The following TMEM163 variants were observed in gnomAD, a reference collection of about 807,000 sequenced individuals.
TMEM163 encodes transmembrane protein 163.
Under a neutral mutation model 29.3 loss-of-function variants are expected in TMEM163, and 17 were observed. The observed-to-expected ratio is 0.58, with a 90% confidence interval of 0.40 to 0.87. TMEM163 has a LOEUF of 0.87. Ranked by LOEUF, TMEM163 falls within the 40% of genes least tolerant of loss-of-function variation. TMEM163 has a pLI of 0.00. For synonymous variants in TMEM163, 157 were observed against 160.6 expected (o/e 0.98, Z 0.17); for missense variants, 303 against 381.5 (o/e 0.79, Z 1.71).
chr2:134,679,272 G>A lies in TMEM163; in HGVS notation c.322+33928C>T, dbSNP rs185268386. Among the ~76,000 whole-genome samples, 16 of 152,298 alleles carry A rather than the reference G, an allele frequency of 1.1e-4. No individual in the cohort carries two copies. In the South Asian group the frequency reaches 1.5e-3, roughly 14 times the overall value. ...CGCACTCACTGAACAGCAGCCCTGC[G>A]GTTCATGAATATGTGTACATGACTA... On this transcript the variant is annotated intron_variant, in intron 2 of 7. Transcript: ENST00000281924.
At chr2:134,625,101 T>C (rs1682818112) in intron 2 of TMEM163, among the ~76,000 whole-genome samples, 1 of 152,122 alleles carries the variant, frequency 6.6e-6, no homozygotes, top group Non-Finnish European at 1.5e-5. Flanking sequence ...ATGCTGTATA[T>C]GTGGGTACAT....
chr2:134,608,857 G>A (rs1574277524), intron 2 of TMEM163, among the ~76,000 whole-genome samples: 3 of 48,454 alleles, frequency 6.2e-5, no homozygotes, highest in African/African-American at 1.3e-4. Flanking sequence ...CGAGAACTGT[G>A]CTGGTGAAAA....
chr2:134,659,146 T>G (rs1683689916), intron 2 of TMEM163, among the ~76,000 whole-genome samples: 1 of 152,190 alleles, frequency 6.6e-6, no homozygotes, highest in Non-Finnish European at 1.5e-5. Flanking sequence ...TATAGGCAAC[T>G]GTAACACAAT....
chr2:134,545,662 C>A (rs1344917180), intron 4 of TMEM163, among the ~76,000 whole-genome samples: 1 of 152,150 alleles, frequency 6.6e-6, no homozygotes, highest in Non-Finnish European at 1.5e-5. Context: ...TAACTTAAAT[C>A]TCAAATGGAT....
chr2:134,555,462 A>G (rs1681030124), intron 2 of TMEM163, among the ~76,000 whole-genome samples: 1 of 152,184 alleles, frequency 6.6e-6, no homozygotes. Flanking sequence ...AAAGGCCTCA[A>G]TGCCTTCAAG....
intron 4 of TMEM163, among the ~76,000 whole-genome samples, chr2:134,533,095 G>A (rs926499600): frequency 2.0e-5 from 3 of 152,054 alleles, no homozygotes; most frequent in Non-Finnish European, 4.4e-5. Context: ...AAACAAAGAG[G>A]TGTGCACAGA....
intron 2 of TMEM163, among the ~76,000 whole-genome samples, chr2:134,707,797 T>A (rs934141543): frequency 1.3e-5 from 2 of 151,434 alleles, no homozygotes; most frequent in African/African-American, 4.9e-5. Flanking sequence ...CCATGTGAGA[T>A]CCGTGAGATG....
intron 2 of TMEM163, 102 bp from the exon 3 acceptor site, chr2:134,552,193 C>A: frequency 1.1e-6 from 1 of 932,348 alleles, no homozygotes; most frequent in Non-Finnish European, 1.6e-6. Flanking sequence ...GGGGAAGTTC[C>A]AAGAGAACAA....
intron 2 of TMEM163, among the ~76,000 whole-genome samples, chr2:134,630,735 G>T (rs1260376898): frequency 6.6e-6 from 1 of 151,910 alleles, no homozygotes; most frequent in Non-Finnish European, 1.5e-5. Context: ...CCACATAGTT[G>T]CCATGGCAAC....
chr2:134,716,890 T>C (rs1267822924), intron 1 of TMEM163, among the ~76,000 whole-genome samples: 2 of 152,178 alleles, frequency 1.3e-5, no homozygotes, highest in African/African-American at 4.8e-5. Context: ...CAGCTCTCAA[T>C]GCCACACAGC....
chr2:134,530,433 G>A (rs571781969), intron 4 of TMEM163, among the ~76,000 whole-genome samples: 1 of 152,206 alleles, frequency 6.6e-6, no homozygotes, highest in South Asian at 2.1e-4. Flanking sequence ...GCAACACCAT[G>A]CCCAGCTAAT....
chr2:134,640,338 T>C (rs1683196857), intron 2 of TMEM163, among the ~76,000 whole-genome samples: 1 of 152,014 alleles, frequency 6.6e-6, no homozygotes, highest in Non-Finnish European at 1.5e-5. Flanking sequence ...ATGAAGTAGA[T>C]AAAACTTTAC....
chr2:134,632,043 A>C (rs1221182932), intron 2 of TMEM163, among the ~76,000 whole-genome samples: 1 of 152,216 alleles, frequency 6.6e-6, no homozygotes, highest in East Asian at 1.9e-4. Flanking sequence ...ATGGAGGCTC[A>C]AAAGGGACAA....
At chr2:134,683,155 T>C (rs1002797730) in intron 2 of TMEM163, among the ~76,000 whole-genome samples, 5 of 152,178 alleles carry the variant, frequency 3.3e-5, no homozygotes, top group African/African-American at 9.7e-5. Context: ...CTCTACATGA[T>C]ACTATAATGG....
intron 2 of TMEM163, among the ~76,000 whole-genome samples, chr2:134,585,366 C>T (rs1339679110): frequency 6.6e-6 from 1 of 152,172 alleles, no homozygotes; most frequent in African/African-American, 2.4e-5. Context: ...CTAGTAAAAC[C>T]TTTAGGCAAG....
intron 2 of TMEM163, among the ~76,000 whole-genome samples, chr2:134,574,895 C>A (rs1558950388): frequency 6.6e-6 from 1 of 152,114 alleles, no homozygotes; most frequent in Non-Finnish European, 1.5e-5. Context: ...GGACTGAGCA[C>A]CTTGGCATGG....
At chr2:134,621,365 G>C (rs916657700) in intron 2 of TMEM163, among the ~76,000 whole-genome samples, 1 of 152,180 alleles carries the variant, frequency 6.6e-6, no homozygotes, top group Non-Finnish European at 1.5e-5. Context: ...ATGCTTATAC[G>C]ATGCTGATGG....
intron 2 of TMEM163, among the ~76,000 whole-genome samples, chr2:134,650,553 T>C (rs1325695591): frequency 6.9e-6 from 1 of 144,340 alleles, no homozygotes; most frequent in Non-Finnish European, 1.5e-5. Flanking sequence ...TGTTTTTTTA[T>C]TATACTTTAA....
rs188266584 is a variant in TMEM163, at chr2:134,539,161, T to C, written c.458+11409A>G. On this transcript the variant is annotated intron_variant, in intron 4 of 7. Coordinates refer to ENST00000281924, the MANE Select transcript of TMEM163 (RefSeq NM_030923.5). ...GATCTTACAAAGTGGGTAGGAACGA[T>C]GATAAGCCACTCAAGGATTTATTTA... Among the ~76,000 whole-genome samples, 10 of 152,310 alleles carry C rather than the reference T, an allele frequency of 6.6e-5. No individual in the cohort carries two copies. The East Asian group carries it at 1.4e-3, about 21-fold the overall frequency.
Sources: allele counts gnomAD v4.1 joint callset (sites outside exome capture counted in the v4.1 genomes callset), GRCh38; gene constraint gnomAD v4.1.1; transcripts MANE v1.5; gene names NCBI Gene and HGNC (gene_info 2026-07-23, HGNC 2026-07-21).